The following ACTN4 variants were observed in gnomAD, a reference collection of about 807,000 sequenced individuals.
ACTN4 encodes the protein actinin alpha 4, also known as alpha-actinin-4.
Under a neutral mutation model 114.2 loss-of-function variants are expected in ACTN4, and 18 were observed. The observed-to-expected ratio is 0.16, with a 90% CI of 0.11 to 0.23. The LOEUF is 0.23. Ranked by LOEUF, ACTN4 falls within the 10% of genes least tolerant of loss-of-function variation. ACTN4 has a pLI of 1.00. For missense variants in ACTN4, 722 were observed against 1,262.9 expected, an observed-to-expected ratio of 0.57 and a Z score of 6.49; for synonymous variants, 515 against 506.3, an observed-to-expected ratio of 1.02 and a Z score of -0.23.
Position 38,712,964 on chromosome 19 carries a change from G to A in ACTN4, c.820-1505G>A, listed in dbSNP as rs565359074. ...AGGCTTGTCACTGGCCCCTCTCTGA[G>A]GGGGTAGTGGAGGCCCGGCTGCAGG... On this transcript the variant is annotated intron_variant, in intron 8 of 20. Transcript: ENST00000252699. 3.7e-5 allele frequency among the ~76,000 whole-genome samples: 5 copies of A among 135,486 alleles called. No individual in the cohort carries two copies. In the South Asian group the frequency reaches 1.0e-3, roughly 28 times the overall value. 88.9% of individuals were successfully genotyped at this position (135,486 alleles called of 152,430 possible).
Position 38,731,267 on chromosome 19 carries a change from C to T in ACTN4, c.*1835C>T, listed in dbSNP as rs1264701132. The T allele has an allele frequency of 2.0e-6, 3 of 1,520,492 alleles. No individual in the cohort carries two copies. The highest frequency in any genetic ancestry group is 2.7e-6 in the Non-Finnish European group (3 of 1,099,242). The allele number at this position is 1,520,492 out of a possible 1,614,324, so 94.2% of individuals were successfully genotyped here. On this transcript the variant is annotated 3_prime_UTR_variant, in exon 21 of 21. Transcript: ENST00000252699. ...TGAGCCCAGTGGCCCACAGGGAACC[C>T]ACCTTGGCATTGCATCCCCACCCCA...
chr19:38,708,279 C>T (rs999042072), intron 6 of ACTN4, 84 bp downstream of exon 6: 14 of 1,441,952 alleles, frequency 9.7e-6, no homozygotes, highest in Non-Finnish European at 1.4e-5. Context: ...CCATGCCCTT[C>T]CATCGCCAGC....
intron 4 of ACTN4, 126 bp from the exon 5 acceptor site, chr19:38,705,918 G>A: frequency 1.1e-6 from 1 of 889,288 alleles, no homozygotes; most frequent in South Asian, 1.3e-5. Flanking sequence ...CTGTTGTTAG[G>A]ACAGATATCC....
intron 1 of ACTN4, among the ~76,000 whole-genome samples, chr19:38,672,940 A>G (rs1316269973): frequency 2.3e-5 from 3 of 133,260 alleles, no homozygotes; most frequent in Non-Finnish European, 4.8e-5. Flanking sequence ...TTGGCCATCC[A>G]TTCTTTTTTT....
At chr19:38,659,490 A>C (rs1239608145) in intron 1 of ACTN4, among the ~76,000 whole-genome samples, 1 of 152,172 alleles carries the variant, frequency 6.6e-6, no homozygotes, top group East Asian at 1.9e-4. Context: ...AAGGGGTGAC[A>C]CTTGACTCCT....
rs145181409 is a variant in ACTN4, at chr19:38,719,363, G to T, written c.1291+1289G>T. Among the ~76,000 whole-genome samples, 229 of 152,346 alleles carry T rather than the reference G, an allele frequency of 1.5e-3. 2 individuals carry two copies. The highest frequency in any genetic ancestry group is 5.4e-3 in the African/African-American group (223 of 41,600). ...TTCTCACCCCTCCCCACCCTGGCCC[G>T]CATGCGAGTGTGCAGCTCCACACGG... On this transcript the variant is annotated intron_variant, in intron 11 of 20. Transcript: ENST00000252699.
In ACTN4 at chr19:38,728,980, C is replaced by G; in HGVS notation, c.2419-16C>G. On this transcript the variant is annotated splice_polypyrimidine_tract_variant and intron_variant, in intron 19 of 20. Coordinates refer to ENST00000252699, the MANE Select transcript of ACTN4 (RefSeq NM_004924.6). ...ACTAAATGTCGGGTGTCCCCCACCC[C>G]ACCCTCTCCTTGCAGGGTGAGGCCG... is the stretch of plus-strand genomic sequence containing the variant. 4 of 1,612,388 alleles carry G rather than the reference C, an allele frequency of 2.5e-6. No individual in the cohort carries two copies. Among genetic ancestry groups the G allele is most frequent in the Non-Finnish European group, 3.4e-6 (4 of 1,180,002 alleles).
chr19:38,688,264 T>A (rs1227158338), intron 1 of ACTN4, among the ~76,000 whole-genome samples: 1 of 150,136 alleles, frequency 6.7e-6, no homozygotes, highest in African/African-American at 2.5e-5. Flanking sequence ...AAATAAAAAA[T>A]TAGGCCGGGT....
intron 1 of ACTN4, among the ~76,000 whole-genome samples, chr19:38,697,663 G>A (rs1434931553): frequency 3.9e-5 from 6 of 152,342 alleles, no homozygotes; most frequent in African/African-American, 9.6e-5. Context: ...GTTTGCACGC[G>A]TGCGTGGCCC....
chr19:38,692,538 C>T (rs1461233106), intron 1 of ACTN4, among the ~76,000 whole-genome samples: 2 of 152,260 alleles, frequency 1.3e-5, no homozygotes, highest in Non-Finnish European at 2.9e-5. Context: ...AGCATCTCTG[C>T]CTGTGCCGCT....
chr19:38,700,993 A>C lies in ACTN4; in HGVS notation c.278-9A>C, dbSNP rs1214974997. The C allele has an allele frequency of 1.9e-6, 3 of 1,613,000 alleles. No individual in the cohort carries two copies. Among genetic ancestry groups the C allele is most frequent in the Non-Finnish European group, 1.7e-6 (2 of 1,179,682 alleles). On this transcript the variant is annotated splice_polypyrimidine_tract_variant and intron_variant, in intron 2 of 20. Transcript: ENST00000252699. ...CTCGCCCCCTCTTTTCTCTTTGTGC[A>C]CTTCTCAGGGGAGCGGTTACCTAAG...
intron 1 of ACTN4, among the ~76,000 whole-genome samples, chr19:38,656,220 C>G (rs1377393100): frequency 6.6e-6 from 1 of 152,082 alleles, no homozygotes; most frequent in African/African-American, 2.4e-5. Flanking sequence ...TCAAGCCATC[C>G]CCCCACCTCA....
chr19:38,655,513 G>GA (rs1457058141), intron 1 of ACTN4, among the ~76,000 whole-genome samples: 2 of 152,076 alleles, frequency 1.3e-5, no homozygotes, highest in Non-Finnish European at 1.5e-5. Context: ...TCACACTTGG[G>GA]AAAAAAACTT....
intron 3 of ACTN4, among the ~76,000 whole-genome samples, chr19:38,704,615 C>G (rs1408252393): frequency 6.6e-6 from 1 of 152,244 alleles, no homozygotes; most frequent in Non-Finnish European, 1.5e-5. Flanking sequence ...ACAGAGGCCA[C>G]ACGCCTGGGA....
intron 5 of ACTN4, among the ~76,000 whole-genome samples, chr19:38,707,033 C>T (rs1445971823): frequency 3.3e-5 from 5 of 152,302 alleles, no homozygotes; most frequent in Admixed American, 1.3e-4. Context: ...TCTGAGTCTC[C>T]TGGATGGCCC....
At chr19:38,686,324 T>C (rs944128865) in intron 1 of ACTN4, among the ~76,000 whole-genome samples, 4 of 152,250 alleles carry the variant, frequency 2.6e-5, no homozygotes, top group Non-Finnish European at 4.4e-5. Context: ...TTGGCTTACT[T>C]GGCTATCTTT....
At chr19:38,718,215 C>A in intron 11 of ACTN4, 141 bp downstream of exon 11, 1 of 1,397,654 alleles carries the variant, frequency 7.2e-7, no homozygotes, top group Non-Finnish European at 9.8e-7. Flanking sequence ...TGCTTGGGAG[C>A]ATGTGTGTGT....
chr19:38,686,366 G>T (rs1967742102), intron 1 of ACTN4, among the ~76,000 whole-genome samples: 2 of 152,276 alleles, frequency 1.3e-5, no homozygotes, highest in South Asian at 4.1e-4. Context: ...CAGATGATCT[G>T]TAGTCCCCCA....
intron 5 of ACTN4, 62 bp downstream of exon 5, chr19:38,706,193 C>G: frequency 6.5e-7 from 1 of 1,534,996 alleles, no homozygotes; most frequent in Non-Finnish European, 9.0e-7. Context: ...TTCCTCCCAC[C>G]TGCCCTGTTT....
Sources: gnomAD v4.1 joint callset for allele counts (sites outside exome capture counted in the v4.1 genomes callset) on GRCh38, gnomAD v4.1.1 for gene constraint, MANE v1.5 for transcripts, NCBI Gene and HGNC (gene_info 2026-07-23, HGNC 2026-07-21) for gene names.